Variants in TSPAN14 observed in about 807,000 individuals in gnomAD.
The protein encoded by TSPAN14 is tetraspanin-14.
TSPAN14 carries 16 observed loss-of-function variants against 36.6 expected under a neutral mutation model. The observed-to-expected ratio is 0.44, with a 90% CI of 0.30 to 0.66. TSPAN14 has a LOEUF of 0.66. Among genes scored for constraint, TSPAN14 ranks in the 30% least tolerant of loss-of-function variants. The pLI, the probability that TSPAN14 is intolerant of heterozygous loss-of-function variation, is 0.12. For missense variants in TSPAN14, 231 were observed against 355.1 expected, an observed-to-expected ratio of 0.65 and a Z score of 2.81; for synonymous variants, 139 against 143.8, an observed-to-expected ratio of 0.97 and a Z score of 0.24.
exon 9 of TSPAN14, chr10:80,522,370 GC>G (rs2132083211): frequency 6.6e-6 from 1 of 152,222 alleles, no homozygotes; most frequent in South Asian, 2.1e-4. Flanking sequence ...AATTAGTCGG[GC>G]ATGGTGATGT....
intron 5 of TSPAN14, among the ~76,000 whole-genome samples, chr10:80,510,690 T>C (rs998562870): frequency 1.3e-5 from 2 of 151,946 alleles, no homozygotes; most frequent in Admixed American, 1.3e-4. Context: ...CTGGCTAACA[T>C]GGTGAAACCC....
intron 1 of TSPAN14, among the ~76,000 whole-genome samples, chr10:80,482,452 A>C (rs1847332407): frequency 6.6e-6 from 1 of 150,544 alleles, no homozygotes; most frequent in African/African-American, 2.5e-5. Flanking sequence ...ACGCCTGGCT[A>C]ATTTTTTGTA....
intron 8 of TSPAN14, 108 bp from the exon 9 acceptor site, chr10:80,517,797 G>A: frequency 9.5e-7 from 1 of 1,052,906 alleles, no homozygotes; most frequent in Non-Finnish European, 1.4e-6. Context: ...TCGCAGCTGG[G>A]GGGTGAGGAG....
chr10:80,471,932 T>A (rs771386707), intron 1 of TSPAN14, among the ~76,000 whole-genome samples: 1 of 152,128 alleles, frequency 6.6e-6, no homozygotes, highest in Non-Finnish European at 1.5e-5. Flanking sequence ...ATCCTAGCAC[T>A]TTGGGAGCCC....
At chr10:80,503,591 C>T (rs1007846839) in intron 2 of TSPAN14, among the ~76,000 whole-genome samples, 1 of 152,022 alleles carries the variant, frequency 6.6e-6, no homozygotes, top group Admixed American at 6.6e-5. Flanking sequence ...GCTGTGACCC[C>T]TCTAAAATTT....
intron 5 of TSPAN14, among the ~76,000 whole-genome samples, chr10:80,510,097 G>A (rs1234214522): frequency 6.6e-6 from 1 of 152,194 alleles, no homozygotes; most frequent in African/African-American, 2.4e-5. Context: ...CTGGACGCTT[G>A]GACCATAGCT....
chr10:80,503,441 C>G (rs141872225), intron 2 of TSPAN14, among the ~76,000 whole-genome samples: 1 of 151,946 alleles, frequency 6.6e-6, no homozygotes, highest in Non-Finnish European at 1.5e-5. Flanking sequence ...GTGATTCAGC[C>G]CTTCTCCCCA....
At chr10:80,490,588 T>A (rs1820770950) in intron 2 of TSPAN14, among the ~76,000 whole-genome samples, 1 of 152,158 alleles carries the variant, frequency 6.6e-6, no homozygotes. Flanking sequence ...GTGGAGGTTG[T>A]TGATGTTGAC....
At chr10:80,507,257 C>A in exon 4 of TSPAN14, 1 of 1,614,176 alleles carries the variant, frequency 6.2e-7, no homozygotes, top group Non-Finnish European at 8.5e-7. Flanking sequence ...CCAAAGTGAC[C>A]CGGATGCATG....
chr10:80,509,572 G>T lies in TSPAN14; in HGVS notation c.450+101G>T, dbSNP rs1589297729. On this transcript the variant is annotated intron_variant, in intron 5 of 8. Coordinates refer to ENST00000429989, the Ensembl canonical transcript of TSPAN14. This position sits in a 1 kb window ranked among gnomAD's most constrained non-coding sequence, Gnocchi z 4.7. The stretch of plus-strand genomic sequence containing the variant: ...ATCAGGCCTTCTCTGTGGGTTGTCT[G>T]CCTGCAGCTTGGCAGACAGCAGGGA... 5 of 1,311,128 alleles carry T rather than the reference G, an allele frequency of 3.8e-6. No individual in the cohort carries two copies. The highest frequency in any genetic ancestry group is 5.3e-6 in the Non-Finnish European group (5 of 951,888). The allele number at this position is 1,311,128 out of a possible 1,614,324, so 81.2% of individuals were successfully genotyped here.
chr10:80,504,669 A>G (rs1840189397), intron 2 of TSPAN14, 59 bp from the exon 3 acceptor site: 4 of 1,600,708 alleles, frequency 2.5e-6, no homozygotes, highest in Middle Eastern at 1.7e-4. Flanking sequence ...TCTGTGAAGC[A>G]TGTTCACAGT....
intron 1 of TSPAN14, among the ~76,000 whole-genome samples, chr10:80,477,857 C>T (rs1847007474): frequency 6.6e-6 from 1 of 152,034 alleles, no homozygotes; most frequent in Non-Finnish European, 1.5e-5. Flanking sequence ...ACAGCCAGGC[C>T]CTTATAGATG....
intron 2 of TSPAN14, among the ~76,000 whole-genome samples, chr10:80,500,003 A>G (rs564755412): frequency 6.6e-6 from 1 of 152,264 alleles, no homozygotes; most frequent in East Asian, 1.9e-4. Context: ...GCCAGGGCTT[A>G]CCTGGCCTGG....
At chr10:80,480,094 T>C (rs1589256300) in intron 1 of TSPAN14, among the ~76,000 whole-genome samples, 1 of 150,984 alleles carries the variant, frequency 6.6e-6, no homozygotes, top group East Asian at 1.9e-4. Flanking sequence ...GCTCTCTGTT[T>C]GTCTGTTATT....
chr10:80,492,802 C>T (rs544988964), intron 2 of TSPAN14, among the ~76,000 whole-genome samples: 5 of 151,278 alleles, frequency 3.3e-5, no homozygotes, highest in Non-Finnish European at 7.4e-5. Flanking sequence ...GGCGACAGAG[C>T]GAGACTCAGT....
chr10:80,464,318 A>G (rs1846126835), intron 1 of TSPAN14, among the ~76,000 whole-genome samples: 1 of 152,170 alleles, frequency 6.6e-6, no homozygotes, highest in Admixed American at 6.5e-5. Context: ...CCTGTGTAAA[A>G]GGCACCTGGT....
chr10:80,516,998 A>G (rs1439133585), intron 8 of TSPAN14, among the ~76,000 whole-genome samples: 1 of 152,206 alleles, frequency 6.6e-6, no homozygotes, highest in Admixed American at 6.5e-5. Context: ...TGGCAGAGAA[A>G]GTCAAGAATT....
intron 8 of TSPAN14, 109 bp from the exon 9 acceptor site, chr10:80,517,796 G>C: frequency 1.9e-6 from 2 of 1,045,724 alleles, no homozygotes; most frequent in Non-Finnish European, 2.9e-6. Context: ...GTCGCAGCTG[G>C]GGGGTGAGGA....
intron 1 of TSPAN14, among the ~76,000 whole-genome samples, chr10:80,474,450 C>T (rs1438105951): frequency 6.7e-6 from 1 of 149,088 alleles, no homozygotes; most frequent in Non-Finnish European, 1.5e-5. Context: ...CCTGTGCCCT[C>T]AGGACGGGAG....
Sources: allele counts gnomAD v4.1 joint callset (sites outside exome capture counted in the v4.1 genomes callset), GRCh38; gene constraint gnomAD v4.1.1; non-coding constraint Gnocchi (gnomAD v3.1); transcripts MANE v1.5; gene names NCBI Gene and HGNC (gene_info 2026-07-23, HGNC 2026-07-21).